SLC43A2: variants seen among roughly 807,000 people sequenced by gnomAD.
The protein encoded by SLC43A2 is large neutral amino acids transporter small subunit 4.
SLC43A2 carries 38 observed loss-of-function variants against 63.2 expected under a neutral mutation model. That is an observed-to-expected ratio of 0.60 (90% confidence interval 0.46 to 0.79). The LOEUF (loss-of-function observed/expected upper bound fraction) is 0.79. Ranked by LOEUF, SLC43A2 falls within the 30% of genes least tolerant of loss-of-function variation. The pLI is 0.00. For synonymous variants in SLC43A2, 322 were observed against 331.0 expected, an observed-to-expected ratio of 0.97 and a Z score of 0.30; for missense variants, 644 against 756.2, an observed-to-expected ratio of 0.85 and a Z score of 1.74.
chr17:1,615,842 CAATAAATAAATA>C (rs55746555), intron 3 of SLC43A2, among the ~76,000 whole-genome samples: 5 of 118,840 alleles, frequency 4.2e-5, no homozygotes, highest in Admixed American at 1.7e-4. Context: ...GACTCCATCT[CAATAAATAAATA>C]AATAAATAAA....
At position 1,611,690 on chromosome 17, in the gene SLC43A2, G is replaced by A. The variant is rs531255259; in HGVS notation, c.501+1505C>T. ...CAGAAGCCCCCAGAGCTCCCTCAAA[G>A]CTAAACAAGAACCCTTCAATGGCAC... On this transcript the variant is annotated intron_variant, in intron 5 of 13. Coordinates refer to ENST00000301335, the MANE Select transcript of SLC43A2 (RefSeq NM_152346.3). Among the ~76,000 whole-genome samples, 3 of 151,288 alleles carry A rather than the reference G, an allele frequency of 2.0e-5. No individual in the cohort carries two copies. In the South Asian group the frequency reaches 6.3e-4, roughly 32 times the overall value.
Position 1,569,835 on chromosome 17 carries a change from G to A in SLC43A2, c.*5769C>T, listed in dbSNP as rs988226537. ...AGAAGAGTTTCTTAAGGCTTTGCTC[G>A]GAGAGGGCTTCGGAGAAGGGTGGGG... On this transcript the variant is annotated 3_prime_UTR_variant, in exon 14 of 14. Transcript: ENST00000301335. 6 of 151,862 alleles carry A rather than the reference G, an allele frequency of 4.0e-5. No homozygotes were observed. The highest frequency in any genetic ancestry group is 2.4e-5 in the African/African-American group (1 of 41,326). 9.4% of individuals were successfully genotyped at this position (151,862 alleles called of 1,614,324 possible).
chr17:1,626,297 T>C (rs1254563058), intron 2 of SLC43A2, among the ~76,000 whole-genome samples: 2 of 151,642 alleles, frequency 1.3e-5, no homozygotes, highest in African/African-American at 2.4e-5. Context: ...CACTCCAACC[T>C]GTGCCTTTCG....
intron 9 of SLC43A2, among the ~76,000 whole-genome samples, chr17:1,589,933 C>T (rs1240771917): frequency 2.6e-5 from 4 of 152,160 alleles, no homozygotes; most frequent in Non-Finnish European, 5.9e-5. Context: ...CTACCATTTT[C>T]ACAGTAGAAC....
chr17:1,591,166 C>A, intron 8 of SLC43A2, 103 bp downstream of exon 8: 1 of 1,440,668 alleles, frequency 6.9e-7, no homozygotes, highest in Admixed American at 2.0e-5. Context: ...CAGAACAGGG[C>A]GGGCGGGGCC....
At chr17:1,579,936 C>T (rs769008321) in intron 11 of SLC43A2, among the ~76,000 whole-genome samples, 10 of 144,914 alleles carry the variant, frequency 6.9e-5, no homozygotes, top group Non-Finnish European at 1.4e-4. Context: ...TCAGGCTTTC[C>T]TTTTTTTTTT....
At chr17:1,588,983 C>T (rs185524001) in intron 9 of SLC43A2, among the ~76,000 whole-genome samples, 6 of 152,330 alleles carry the variant, frequency 3.9e-5, no homozygotes, top group East Asian at 1.9e-4. Flanking sequence ...GCAAAGCTCA[C>T]GAGTGTGCGG....
chr17:1,614,623 T>G (rs899067763), intron 4 of SLC43A2, among the ~76,000 whole-genome samples: 3 of 152,256 alleles, frequency 2.0e-5, no homozygotes, highest in South Asian at 4.1e-4. Context: ...TGCTTTGGCC[T>G]GTGCTGCCTG....
intron 5 of SLC43A2, among the ~76,000 whole-genome samples, chr17:1,611,780 C>A (rs1288691709): frequency 6.6e-6 from 1 of 152,060 alleles, no homozygotes; most frequent in African/African-American, 2.4e-5. Flanking sequence ...GTCTTAGAAA[C>A]TTTTTCACCG....
intron 2 of SLC43A2, among the ~76,000 whole-genome samples, chr17:1,621,407 G>A (rs555563603): frequency 7.2e-5 from 11 of 152,140 alleles, no homozygotes; most frequent in African/African-American, 1.2e-4. Context: ...ACAGCCCACC[G>A]ATGGCCCCTG....
intron 9 of SLC43A2, chr17:1,586,965 A>G: frequency 7.0e-7 from 1 of 1,418,960 alleles, no homozygotes; most frequent in South Asian, 1.3e-5. Context: ...CCATCACTGC[A>G]TCAAGAAAGC....
At chr17:1,600,967 G>A (rs1405778137) in intron 5 of SLC43A2, among the ~76,000 whole-genome samples, 1 of 151,588 alleles carries the variant, frequency 6.6e-6, no homozygotes, top group Non-Finnish European at 1.5e-5. Flanking sequence ...GATACCGAAA[G>A]AAAAGATAAC....
At chr17:1,594,446 C>T (rs1029814743) in intron 5 of SLC43A2, among the ~76,000 whole-genome samples, 17 of 152,208 alleles carry the variant, frequency 1.1e-4, no homozygotes, top group African/African-American at 3.1e-4. Flanking sequence ...CCACACCCAG[C>T]GTCCCTGGCC....
At chr17:1,590,063 C>T (rs1437392622) in intron 9 of SLC43A2, among the ~76,000 whole-genome samples, 1 of 152,136 alleles carries the variant, frequency 6.6e-6, no homozygotes, top group Non-Finnish European at 1.5e-5. Context: ...TTGATAAAAA[C>T]AAGGAAACCA....
rs772080339 is a variant in SLC43A2 at position 1,585,872 on chromosome 17, GCTGCGGGCTGGGAGCCGGGGCACCGGCC to G, written c.1217+13_1217+40del. On this transcript the variant is annotated intron_variant, in intron 10 of 13. Coordinates refer to ENST00000301335, the MANE Select transcript of SLC43A2 (RefSeq NM_152346.3). Reference sequence around the variant, plus strand: ...GCAGCTCTGGGGTCTTTCTGCAGGGGCTGCGGGCTGGGAGCCGGGGCACCGGCCCTGCCTACGCACTGGTTGGCGTCTT... The same window carrying G: ...GCAGCTCTGGGGTCTTTCTGCAGGGGCTGCCTACGCACTGGTTGGCGTCTT... 1.2e-6 allele frequency: 2 copies of G among 1,612,444 alleles called. No individual in the cohort carries two copies. The highest frequency in any genetic ancestry group is 1.7e-6 in the Non-Finnish European group (2 of 1,179,908).
intron 9 of SLC43A2, among the ~76,000 whole-genome samples, chr17:1,590,057 T>A (rs1303349641): frequency 6.6e-6 from 1 of 152,084 alleles, no homozygotes; most frequent in Admixed American, 6.6e-5. Flanking sequence ...TTCACCTTGA[T>A]AAAAACAAGG....
chr17:1,590,178 C>A (rs1904612522), intron 9 of SLC43A2, among the ~76,000 whole-genome samples: 1 of 152,188 alleles, frequency 6.6e-6, no homozygotes, highest in Non-Finnish European at 1.5e-5. Context: ...CCGGGGAAGT[C>A]CTGACTTTCT....
rs11321695 is a variant in SLC43A2, at chr17:1,580,728, A to AT, written c.1351-2406dup. ...AGGCATGTGCCACCAGGCCCGGCTA[A>AT]TTTTTTTTTTTTTTTTTTTGAGACA... On this transcript the variant is annotated intron_variant, in intron 11 of 13. Coordinates refer to ENST00000301335, the MANE Select transcript of SLC43A2 (RefSeq NM_152346.3). Among the ~76,000 whole-genome samples the AT allele has an allele frequency of 5.3e-3, 675 of 126,382 alleles. 7 individuals are homozygous for AT. Among genetic ancestry groups the AT allele is most frequent in the East Asian group, 0.018 (80 of 4,402 alleles). 82.9% of individuals were successfully genotyped at this position (126,382 alleles called of 152,430 possible). A position where few individuals can be genotyped will look rare whatever the true frequency, so the allele number is the denominator to read the frequency against.
chr17:1,603,141 ATCT>A (rs918617281), intron 5 of SLC43A2: 2 of 152,130 alleles, frequency 1.3e-5, no homozygotes, highest in African/African-American at 2.4e-5. Context: ...AACAGGGAAA[ATCT>A]TCTGGTCAAG....
Sources: allele counts gnomAD v4.1 joint callset (sites outside exome capture counted in the v4.1 genomes callset), GRCh38; gene constraint gnomAD v4.1.1; transcripts MANE v1.5; gene names NCBI Gene and HGNC (gene_info 2026-07-23, HGNC 2026-07-21).